The following OXR1 variants were observed in gnomAD, a reference collection of about 807,000 sequenced individuals.
OXR1 encodes the protein oxidation resistance protein 1.
OXR1 carries 41 observed loss-of-function variants against 104.6 expected under a neutral mutation model. The observed-to-expected ratio is 0.39, with a 90% confidence interval of 0.31 to 0.51. The LOEUF is 0.51. Among genes scored for constraint, OXR1 ranks in the 20% least tolerant of loss-of-function variants. The probability of loss-of-function intolerance (pLI) is 0.77; values close to 1 mark genes in which losing one functional copy is unlikely to be tolerated. For missense variants in OXR1, 955 were observed against 1,031.9 expected, an observed-to-expected ratio of 0.93 and a Z score of 1.02; for synonymous variants, 348 against 348.4, an observed-to-expected ratio of 1.00 and a Z score of 0.01.
chr8:106,654,430 G>GA (rs1165563189), intron 3 of OXR1, among the ~76,000 whole-genome samples: 2 of 151,980 alleles, frequency 1.3e-5, no homozygotes, highest in Admixed American at 6.6e-5. Context: ...GACAATGGGG[G>GA]AAAAATCATC....
chr8:106,510,791 A>T (rs1168747341), intron 2 of OXR1, among the ~76,000 whole-genome samples: 1 of 152,208 alleles, frequency 6.6e-6, no homozygotes, highest in African/African-American at 2.4e-5. Flanking sequence ...AATTTCCAAG[A>T]TAGAAAAGCA....
At chr8:106,637,290 ATTATG>A (rs1162041439) in intron 3 of OXR1, among the ~76,000 whole-genome samples, 3 of 152,174 alleles carry the variant, frequency 2.0e-5, no homozygotes, top group South Asian at 2.1e-4. Flanking sequence ...CTATTTTAAA[ATTATG>A]TTATGTCAAA....
chr8:106,359,078 TC>T (rs1162595510), intron 1 of OXR1, among the ~76,000 whole-genome samples: 2 of 150,856 alleles, frequency 1.3e-5, no homozygotes, highest in Admixed American at 1.3e-4. Flanking sequence ...TTTCTTTCTT[TC>T]TTTCTTTCTT....
chr8:106,681,988 T>C (rs1828200852), intron 4 of OXR1, among the ~76,000 whole-genome samples: 1 of 152,228 alleles, frequency 6.6e-6, no homozygotes, highest in Non-Finnish European at 1.5e-5. Flanking sequence ...TCTGTTATCT[T>C]CACTTTGAAA....
At chr8:106,349,657 A>G (rs1815641792) in intron 1 of OXR1, among the ~76,000 whole-genome samples, 1 of 152,214 alleles carries the variant, frequency 6.6e-6, no homozygotes, top group African/African-American at 2.4e-5. Context: ...ATATTACCAT[A>G]TGGAAAAATG....
chr8:106,423,348 C>G (rs542156996), intron 2 of OXR1, among the ~76,000 whole-genome samples: 1 of 152,260 alleles, frequency 6.6e-6, no homozygotes, highest in African/African-American at 2.4e-5. Context: ...ATCCTTTTGA[C>G]CATCCTACTT....
intron 2 of OXR1, among the ~76,000 whole-genome samples, chr8:106,476,614 T>A (rs1821825109): frequency 6.6e-6 from 1 of 151,920 alleles, no homozygotes; most frequent in Non-Finnish European, 1.5e-5. Context: ...TAGGGCACTT[T>A]CATCTGCACT....
chr8:106,441,237 T>C (rs1489470807), intron 2 of OXR1, among the ~76,000 whole-genome samples: 3 of 151,982 alleles, frequency 2.0e-5, no homozygotes, highest in Non-Finnish European at 4.4e-5. Flanking sequence ...ATGTATGGTA[T>C]TATTATTTCT....
At chr8:106,336,532 A>G (rs1814973150) in intron 1 of OXR1, among the ~76,000 whole-genome samples, 1 of 152,228 alleles carries the variant, frequency 6.6e-6, no homozygotes, top group Non-Finnish European at 1.5e-5. Flanking sequence ...TCACTTTCAC[A>G]TTTCAAATAT....
chr8:106,279,217 G>A (rs2130488509), intron 1 of OXR1, among the ~76,000 whole-genome samples: 1 of 152,208 alleles, frequency 6.6e-6, no homozygotes, highest in South Asian at 2.1e-4. Flanking sequence ...AAAGTCATGT[G>A]AATGTTTCAG....
At chr8:106,543,823 C>G (rs887406195) in intron 3 of OXR1, among the ~76,000 whole-genome samples, 2 of 152,152 alleles carry the variant, frequency 1.3e-5, no homozygotes, top group African/African-American at 4.8e-5. Flanking sequence ...TGAAAACCTC[C>G]CATTGCCATC....
chr8:106,657,853 C>T, intron 3 of OXR1: 1 of 1,240,102 alleles, frequency 8.1e-7, no homozygotes. Flanking sequence ...TCCTCCTCCC[C>T]GCCTCTTGTG....
intron 3 of OXR1, among the ~76,000 whole-genome samples, chr8:106,653,081 A>AT (rs374747254): frequency 6.3e-4 from 77 of 121,700 alleles, no homozygotes; most frequent in East Asian, 3.7e-3. Context: ...GAAAAAAAAA[A>AT]AAATATATAT....
At chr8:106,588,181 G>A (rs1474967395) in intron 3 of OXR1, among the ~76,000 whole-genome samples, 1 of 151,878 alleles carries the variant, frequency 6.6e-6, no homozygotes, top group African/African-American at 2.4e-5. Context: ...GGATGGTCTC[G>A]ATCTCCTGAC....
chr8:106,354,022 G>A (rs188434932), intron 1 of OXR1, among the ~76,000 whole-genome samples: 74 of 151,830 alleles, frequency 4.9e-4, no homozygotes, highest in Middle Eastern at 6.9e-3. Flanking sequence ...TGATTTTAGC[G>A]TACTATCTTT....
At chr8:106,593,200 A>C (rs563124744) in intron 3 of OXR1, among the ~76,000 whole-genome samples, 19 of 152,210 alleles carry the variant, frequency 1.2e-4, no homozygotes, top group African/African-American at 4.6e-4. Context: ...CCCAATCTTG[A>C]GATCAAGGGC....
Position 106,289,998 on chromosome 8 carries a change from C to T in OXR1, c.-139+19631C>T, listed in dbSNP as rs1413336464. On this transcript the variant is annotated intron_variant, in intron 1 of 16. Coordinates refer to ENST00000517566, the MANE Select transcript of OXR1 (RefSeq NM_001198533.2). The stretch of plus-strand genomic sequence containing the variant: ...CCCCTTCCACCATGATTGTAAGTTT[C>T]CTGAGGCCTTCCCAGCCCTGCAGAA... Among the ~76,000 whole-genome samples, 5 of 152,254 alleles carry T rather than the reference C, an allele frequency of 3.3e-5. No homozygotes were observed. In the South Asian group the frequency reaches 8.3e-4, roughly 25 times the overall value.
intron 15 of OXR1, among the ~76,000 whole-genome samples, chr8:106,744,382 G>A (rs1835205460): frequency 2.0e-5 from 3 of 152,242 alleles, no homozygotes; most frequent in Admixed American, 2.0e-4. Flanking sequence ...AATATGGCAT[G>A]ATCATTTAAT....
intron 3 of OXR1, among the ~76,000 whole-genome samples, chr8:106,670,176 C>T (rs1221295882): frequency 1.3e-5 from 2 of 152,148 alleles, no homozygotes; most frequent in Non-Finnish European, 2.9e-5. Flanking sequence ...CTAGTGATCT[C>T]TTCTCACTTT....
Sources: allele counts gnomAD v4.1 joint callset (sites outside exome capture counted in the v4.1 genomes callset), GRCh38; gene constraint gnomAD v4.1.1; transcripts MANE v1.5; gene names NCBI Gene and HGNC (gene_info 2026-07-23, HGNC 2026-07-21).